The following PITPNC1 variants were observed in gnomAD, a reference collection of about 807,000 sequenced individuals.
PITPNC1 encodes the protein cytoplasmic phosphatidylinositol transfer protein 1.
PITPNC1 carries 18 observed loss-of-function variants against 44.7 expected under a neutral mutation model. The ratio of observed to expected loss-of-function variants is 0.40; its 90% CI spans 0.28 to 0.60. PITPNC1 has a LOEUF of 0.60. Ranked by LOEUF, PITPNC1 falls within the 20% of genes least tolerant of loss-of-function variation. The pLI, the probability that PITPNC1 is intolerant of heterozygous loss-of-function variation, is 0.39. For synonymous variants in PITPNC1, 141 were observed against 149.6 expected, an observed-to-expected ratio of 0.94 and a Z score of 0.42; for missense variants, 290 against 418.4, an observed-to-expected ratio of 0.69 and a Z score of 2.68.
intron 1 of PITPNC1, among the ~76,000 whole-genome samples, chr17:67,486,986 C>T (rs35098479): frequency 0.069 from 10,445 of 151,570 alleles, 402 homozygotes; most frequent in Middle Eastern, 0.099. Flanking sequence ...TGAGCTGAGA[C>T]TGCACCACCG....
chr17:67,443,139 A>AACC (rs1249557533), intron 1 of PITPNC1, among the ~76,000 whole-genome samples: 4 of 151,900 alleles, frequency 2.6e-5, no homozygotes, highest in Non-Finnish European at 4.4e-5. Context: ...GCCCCCACCT[A>AACC]ACCCACCAGG....
intron 1 of PITPNC1, among the ~76,000 whole-genome samples, chr17:67,520,347 C>G (rs2040309595): frequency 6.6e-6 from 1 of 151,408 alleles, no homozygotes; most frequent in Non-Finnish European, 1.5e-5. Context: ...GATTTTCCCT[C>G]TTTTTGGTCT....
At chr17:67,466,197 TG>T (rs146770264) in intron 1 of PITPNC1, among the ~76,000 whole-genome samples, 2 of 59,146 alleles carry the variant, frequency 3.4e-5, no homozygotes, top group Non-Finnish European at 7.1e-5. Flanking sequence ...GATGGTGGGG[TG>T]GGGGGGTGGG....
chr17:67,520,233 C>A (rs2144105848), intron 1 of PITPNC1, among the ~76,000 whole-genome samples: 1 of 152,260 alleles, frequency 6.6e-6, no homozygotes, highest in East Asian at 1.9e-4. Context: ...GTGGATGGAC[C>A]TCTCTGCTGC....
intron 6 of PITPNC1, among the ~76,000 whole-genome samples, chr17:67,663,795 G>A (rs2042382556): frequency 6.6e-6 from 1 of 152,140 alleles, no homozygotes; most frequent in Admixed American, 6.5e-5. Context: ...GCCATGGAAA[G>A]GGGCAGTAAC....
chr17:67,394,270 C>T (rs780299650), intron 1 of PITPNC1, among the ~76,000 whole-genome samples: 3 of 152,132 alleles, frequency 2.0e-5, no homozygotes, highest in Admixed American at 2.0e-4. Flanking sequence ...CTCAAGTGAT[C>T]CTCCCGCCTT....
At chr17:67,433,603 C>T (rs896122230) in intron 1 of PITPNC1, among the ~76,000 whole-genome samples, 7 of 152,078 alleles carry the variant, frequency 4.6e-5, no homozygotes, top group Non-Finnish European at 7.4e-5. Flanking sequence ...CCCAGCTACT[C>T]GGGAGGCTGA....
At chr17:67,506,583 T>G (rs576407043) in intron 1 of PITPNC1, among the ~76,000 whole-genome samples, 23 of 152,288 alleles carry the variant, frequency 1.5e-4, no homozygotes, top group African/African-American at 4.1e-4. Context: ...CAGGACAGGA[T>G]TTGCCTATTT....
chr17:67,620,577 T>C (rs1281745399), intron 5 of PITPNC1, among the ~76,000 whole-genome samples: 2 of 152,162 alleles, frequency 1.3e-5, no homozygotes, highest in Non-Finnish European at 2.9e-5. Flanking sequence ...TCAGACACTC[T>C]CAGGCCTGAA....
intron 6 of PITPNC1, among the ~76,000 whole-genome samples, chr17:67,647,378 C>G (rs531306069): frequency 2.9e-4 from 44 of 151,898 alleles, no homozygotes; most frequent in African/African-American, 1.0e-3. Flanking sequence ...GCTGTCTTGA[C>G]CTCCTGGGTT....
At chr17:67,602,243 C>T (rs1447020956) in intron 5 of PITPNC1, among the ~76,000 whole-genome samples, 2 of 152,110 alleles carry the variant, frequency 1.3e-5, no homozygotes, top group Non-Finnish European at 2.9e-5. Context: ...TCAAAATGAG[C>T]TTTGGAGTCC....
intron 6 of PITPNC1, among the ~76,000 whole-genome samples, chr17:67,633,798 C>T (rs574089719): frequency 2.6e-5 from 4 of 152,334 alleles, no homozygotes; most frequent in African/African-American, 9.6e-5. Flanking sequence ...CGCCTCGGGC[C>T]CCCCCGGGCT....
chr17:67,539,443 A>C (rs1317866349), intron 2 of PITPNC1, among the ~76,000 whole-genome samples: 2 of 152,232 alleles, frequency 1.3e-5, no homozygotes, highest in African/African-American at 4.8e-5. Context: ...ATTATGGCAC[A>C]TTCACGTAAT....
intron 1 of PITPNC1, among the ~76,000 whole-genome samples, chr17:67,397,301 AAGAG>A (rs888166158): frequency 3.3e-5 from 5 of 151,946 alleles, no homozygotes; most frequent in Non-Finnish European, 7.4e-5. Context: ...TATTTTTTTA[AAGAG>A]AGAGTTCAGT....
rs2037892723 is a variant in PITPNC1 at position 67,377,746 on chromosome 17, TG to T, written c.-408del. 6.1e-6 allele frequency: 1 copy of T among 163,716 alleles called. No homozygotes were observed. The highest frequency in any genetic ancestry group is 2.0e-4 in the South Asian group (1 of 5,042). 10.1% of individuals were successfully genotyped at this position (163,716 alleles called of 1,614,324 possible). A position where few individuals can be genotyped will look rare whatever the true frequency, so the allele number is the denominator to read the frequency against. ...TGCTTTCGGAGGCGGATCGAGCGGG[TG>T]ACTTTTGTGCATTCGTTTTAATTTT... On this transcript the variant is annotated 5_prime_UTR_variant, in exon 1 of 9. Coordinates refer to ENST00000581322, the MANE Select transcript of PITPNC1 (RefSeq NM_012417.4).
At chr17:67,474,024 G>C (rs1051416388) in intron 1 of PITPNC1, among the ~76,000 whole-genome samples, 15 of 152,202 alleles carry the variant, frequency 9.9e-5, no homozygotes, top group Non-Finnish European at 1.8e-4. Context: ...CTGGGTGAGA[G>C]ATGTTTTTAA....
At chr17:67,475,714 G>A (rs890709076) in intron 1 of PITPNC1, among the ~76,000 whole-genome samples, 2 of 152,328 alleles carry the variant, frequency 1.3e-5, no homozygotes, top group Non-Finnish European at 1.5e-5. Context: ...GATTAGGGAG[G>A]ACTGGAAGGG....
chr17:67,652,330 G>T (rs954228545), intron 6 of PITPNC1, among the ~76,000 whole-genome samples: 2 of 152,136 alleles, frequency 1.3e-5, no homozygotes, highest in South Asian at 2.1e-4. Context: ...AAACGAGGAC[G>T]CAGTTTTACA....
chr17:67,513,863 G>A (rs2144095203), intron 1 of PITPNC1, among the ~76,000 whole-genome samples: 1 of 152,268 alleles, frequency 6.6e-6, no homozygotes, highest in East Asian at 1.9e-4. Context: ...TTCTGGTGTA[G>A]ATACCATTTG....
Sources: allele counts gnomAD v4.1 joint callset (sites outside exome capture counted in the v4.1 genomes callset), GRCh38; gene constraint gnomAD v4.1.1; transcripts MANE v1.5; gene names NCBI Gene and HGNC (gene_info 2026-07-23, HGNC 2026-07-21).